The following ANKRD36 variants were observed in gnomAD, a reference collection of about 807,000 sequenced individuals.
ANKRD36 encodes the protein ankyrin repeat domain-containing protein 36A.
ANKRD36 carries 179 observed loss-of-function variants against 278.1 expected under a neutral mutation model. That is an observed-to-expected ratio of 0.64 (90% CI 0.57 to 0.73). ANKRD36 has a LOEUF of 0.73. Ranked by LOEUF, ANKRD36 falls within the 30% of genes least tolerant of loss-of-function variation. The pLI, the probability that ANKRD36 is intolerant of heterozygous loss-of-function variation, is 0.00. For synonymous variants in ANKRD36, 320 were observed against 641.1 expected (o/e 0.50, Z 7.57); for missense variants, 1,159 against 1,956.7 (o/e 0.59, Z 7.69).
rs1323515851 is a variant in ANKRD36, at chr2:97,144,826, G to A, written c.1003+114G>A. The A allele has an allele frequency of 2.2e-6, 3 of 1,348,930 alleles. No individual in the cohort carries two copies. The Admixed American group carries it at 7.5e-5, about 34-fold the overall frequency. The allele number at this position is 1,348,930 out of a possible 1,614,324, so 83.6% of individuals were successfully genotyped here. A position where few individuals can be genotyped will look rare whatever the true frequency, so the allele number is the denominator to read the frequency against. ...CTGCGCATTCTGATTCAGCGGGCCTGAGATTCTGCATTTGTAATAAGTTCT... is the reference window on the plus strand; with the variant it reads ...CTGCGCATTCTGATTCAGCGGGCCTAAGATTCTGCATTTGTAATAAGTTCT... On this transcript the variant is annotated intron_variant, in intron 10 of 75. Coordinates refer to ENST00000420699, the MANE Select transcript of ANKRD36 (RefSeq NM_001354587.1).
chr2:97,214,426 A>T (rs1045660881), intron 60 of ANKRD36, among the ~76,000 whole-genome samples: 1 of 150,276 alleles, frequency 6.7e-6, no homozygotes, highest in Non-Finnish European at 1.5e-5. Flanking sequence ...TTCTTTAGAG[A>T]ATAGCATGAT....
chr2:97,197,453 T>A (rs1461014838), intron 42 of ANKRD36, among the ~76,000 whole-genome samples: 1 of 151,968 alleles, frequency 6.6e-6, no homozygotes, highest in Non-Finnish European at 1.5e-5. Context: ...CCTTTGTTAC[T>A]GTTAGACATC....
In ANKRD36 at chr2:97,193,071, T is replaced by C. The variant is rs749209936; in HGVS notation, c.2449+18T>C. On this transcript the variant is annotated intron_variant, in intron 38 of 75. Coordinates refer to ENST00000420699, the MANE Select transcript of ANKRD36 (RefSeq NM_001354587.1). ...TAGGACAGGTAATTTTGAAAAGAGA[T>C]TTAATGTCATGTTCAGTGCAGATAG... The C allele has an allele frequency of 1.6e-5, 24 of 1,524,614 alleles. No homozygotes were observed. In the Admixed American group the frequency reaches 3.6e-4, roughly 23 times the overall value. The allele number at this position is 1,524,614 out of a possible 1,614,324, so 94.4% of individuals were successfully genotyped here.
At chr2:97,140,162 C>T (rs2042523003) in intron 6 of ANKRD36, among the ~76,000 whole-genome samples, 1 of 151,620 alleles carries the variant, frequency 6.6e-6, no homozygotes, top group Admixed American at 6.6e-5. Context: ...GTAAGGATCT[C>T]AGCGTGTCTT....
chr2:97,143,240 A>G (rs1025628006), intron 8 of ANKRD36, among the ~76,000 whole-genome samples: 1 of 152,000 alleles, frequency 6.6e-6, no homozygotes, highest in Non-Finnish European at 1.5e-5. Context: ...AACAATGTAG[A>G]AAGAGAACTA....
chr2:97,228,848 A>G (rs1393883597), intron 67 of ANKRD36, among the ~76,000 whole-genome samples: 1 of 151,674 alleles, frequency 6.6e-6, no homozygotes, highest in Non-Finnish European at 1.5e-5. Context: ...CTTTGTTCTC[A>G]TTGGTTTCAA....
chr2:97,203,214 A>G (rs1318729053), intron 48 of ANKRD36, among the ~76,000 whole-genome samples: 1 of 151,816 alleles, frequency 6.6e-6, no homozygotes, highest in Non-Finnish European at 1.5e-5. Flanking sequence ...TACTCCCAAG[A>G]AGGCTATTTT....
At chr2:97,178,087 T>C (rs1264325063) in intron 22 of ANKRD36, among the ~76,000 whole-genome samples, 2 of 150,714 alleles carry the variant, frequency 1.3e-5, no homozygotes, top group Non-Finnish European at 3.0e-5. Context: ...ATGCTCATCA[T>C]CACTGGCCAT....
Position 97,208,557 on chromosome 2 carries a change from T to G in ANKRD36, c.3265+551T>G, listed in dbSNP as rs567781798. Among the ~76,000 whole-genome samples the G allele has an allele frequency of 1.9e-3, 278 of 146,284 alleles. 33 individuals carry two copies. The highest frequency in any genetic ancestry group is 2.2e-3 in the Non-Finnish European group (146 of 67,100). On this transcript the variant is annotated intron_variant, in intron 54 of 75. Coordinates refer to ENST00000420699, the MANE Select transcript of ANKRD36 (RefSeq NM_001354587.1). ...TGAGTGAACTCACTTCAGATGCATT[T>G]GGAATATTTTCATAAAAAATATTTG... is the stretch of plus-strand genomic sequence containing the variant.
intron 34 of ANKRD36, among the ~76,000 whole-genome samples, 187 bp from the exon 35 acceptor site, chr2:97,190,791 G>A (rs2153564804): frequency 6.6e-6 from 1 of 151,776 alleles, no homozygotes; most frequent in Middle Eastern, 3.4e-3. Flanking sequence ...TATATTTCAT[G>A]GAGCCTGTAT....
chr2:97,177,874 A>T (rs1282920328), intron 22 of ANKRD36, among the ~76,000 whole-genome samples: 1 of 151,796 alleles, frequency 6.6e-6, no homozygotes, highest in Non-Finnish European at 1.5e-5. Flanking sequence ...AGAAACTACC[A>T]TCAGAGTGAA....
chr2:97,159,131 A>G (rs2048228847), intron 17 of ANKRD36, among the ~76,000 whole-genome samples: 1 of 152,032 alleles, frequency 6.6e-6, no homozygotes, highest in South Asian at 2.1e-4. Context: ...TCTCCATATC[A>G]AATTATAGAA....
intron 6 of ANKRD36, among the ~76,000 whole-genome samples, chr2:97,129,452 C>T (rs1438769404): frequency 6.6e-6 from 1 of 152,018 alleles, no homozygotes; most frequent in Admixed American, 6.6e-5. Context: ...ATTTCTTTTG[C>T]TGTGCAGAAG....
chr2:97,260,395 TACAC>T (rs1266766001), intron 75 of ANKRD36, among the ~76,000 whole-genome samples: 3 of 131,662 alleles, frequency 2.3e-5, no homozygotes, highest in Non-Finnish European at 3.1e-5. Context: ...CATATATACA[TACAC>T]ACACATACAC....
In ANKRD36 at chr2:97,187,322, C is replaced by G. The variant is rs779380314; in HGVS notation, c.2071-7C>G. The G allele has an allele frequency of 1.2e-6, 2 of 1,604,622 alleles. No homozygotes were observed. Among genetic ancestry groups the G allele is most frequent in the South Asian group, 1.1e-5 (1 of 89,532 alleles). On this transcript the variant is annotated splice_region_variant and splice_polypyrimidine_tract_variant and intron_variant, in intron 31 of 75. Transcript: ENST00000420699. ...TTATTTATTATTTTCTTTCAAATTC[C>G]ATTCAGGCTACAACTGACGAGGAAG... is the stretch of plus-strand genomic sequence containing the variant.
chr2:97,118,162 G>A lies in ANKRD36; in HGVS notation c.296G>A (p.Arg99Lys), dbSNP rs771216066. 1.0e-5 allele frequency: 16 copies of A among 1,577,230 alleles called. 1 individual carries two copies. The highest frequency in any genetic ancestry group is 1.3e-5 in the Non-Finnish European group (15 of 1,160,128). The change falls in exon 2 of 76, where the codon AGG becomes AAG. Residue 99 changes from arginine (R) to lysine (K), a missense_variant. Arg to Lys is a conservative substitution (Grantham distance 26). Coordinates refer to ENST00000420699, the MANE Select transcript of ANKRD36 (RefSeq NM_001354587.1). The stretch of plus-strand genomic sequence containing the variant: ...CTTAACCTCTGCGACCGTGAAGACA[G>A]GACACCTCTGATCAAGGTATATAGT... ...CELNLCDRED[R>K]TPLIKAVQLR...
chr2:97,227,682 G>A (rs552297855), intron 67 of ANKRD36, among the ~76,000 whole-genome samples: 3 of 152,254 alleles, frequency 2.0e-5, no homozygotes, highest in Admixed American at 6.5e-5. Context: ...AGTGGTGAGA[G>A]AGGGCATCCC....
At chr2:97,191,408 A>C (rs72815607) in intron 36 of ANKRD36, among the ~76,000 whole-genome samples, 2,621 of 151,880 alleles carry the variant, frequency 0.017, 45 homozygotes, top group Non-Finnish European at 0.027. Context: ...GGAAGAAGAA[A>C]TATGGAGAGC....
intron 67 of ANKRD36, among the ~76,000 whole-genome samples, chr2:97,231,419 G>T (rs1385879200): frequency 1.3e-5 from 2 of 152,168 alleles, no homozygotes; most frequent in Non-Finnish European, 2.9e-5. Flanking sequence ...AGACTCCATG[G>T]GCGCAGGACC....
Sources: gnomAD v4.1 joint callset for allele counts (sites outside exome capture counted in the v4.1 genomes callset) on GRCh38, gnomAD v4.1.1 for gene constraint, MANE v1.5 for transcripts, NCBI Gene and HGNC (gene_info 2026-07-23, HGNC 2026-07-21) for gene names.